GRM7: variants seen among roughly 807,000 people sequenced by gnomAD.
GRM7 encodes glutamate metabotropic receptor 7.
GRM7 carries 35 observed loss-of-function variants against 84.5 expected under a neutral mutation model. The ratio of observed to expected loss-of-function variants is 0.41; its 90% CI spans 0.32 to 0.55. The LOEUF (loss-of-function observed/expected upper bound fraction) is 0.55. Among genes scored for constraint, GRM7 ranks in the 20% least tolerant of loss-of-function variants. The probability of loss-of-function intolerance (pLI) is 0.19; values close to 1 mark genes in which losing one functional copy is unlikely to be tolerated. For missense variants in GRM7, 1,003 were observed against 1,194.6 expected, an observed-to-expected ratio of 0.84 and a Z score of 2.36; for synonymous variants, 487 against 455.1, an observed-to-expected ratio of 1.07 and a Z score of -0.89.
At chr3:7,538,423 T>G (rs1559388443) in intron 7 of GRM7, among the ~76,000 whole-genome samples, 1 of 152,206 alleles carries the variant, frequency 6.6e-6, no homozygotes, top group Non-Finnish European at 1.5e-5. Flanking sequence ...GTTACTGTAT[T>G]TTGATACTCA....
intron 8 of GRM7, among the ~76,000 whole-genome samples, chr3:7,638,410 A>C (rs1454025291): frequency 6.6e-6 from 1 of 152,200 alleles, no homozygotes; most frequent in East Asian, 1.9e-4. Context: ...ATCCCCTTTT[A>C]TGAAAGAGGA....
At chr3:7,539,871 A>T (rs933048304) in intron 7 of GRM7, among the ~76,000 whole-genome samples, 1 of 152,154 alleles carries the variant, frequency 6.6e-6, no homozygotes, top group Admixed American at 6.5e-5. Context: ...TCATTAAAAT[A>T]TTGTGTGTAT....
intron 1 of GRM7, among the ~76,000 whole-genome samples, chr3:6,967,544 TCTTA>T (rs775372375): frequency 7.2e-5 from 11 of 152,210 alleles, no homozygotes; most frequent in Non-Finnish European, 1.5e-4. Context: ...CACAATATCT[TCTTA>T]CTTTATCATT....
chr3:6,902,041 A>G (rs1696405507), intron 1 of GRM7, among the ~76,000 whole-genome samples: 1 of 152,134 alleles, frequency 6.6e-6, no homozygotes, highest in Admixed American at 6.5e-5. Flanking sequence ...TTAAACTGAG[A>G]AAAAAACCTA....
chr3:7,697,225 A>T (rs561851460), intron 9 of GRM7, among the ~76,000 whole-genome samples: 2 of 152,334 alleles, frequency 1.3e-5, no homozygotes, highest in African/African-American at 2.4e-5. Context: ...CCTAATTTTT[A>T]AAAATTACAT....
At chr3:7,601,317 C>T (rs1404326158) in intron 8 of GRM7, among the ~76,000 whole-genome samples, 2 of 152,118 alleles carry the variant, frequency 1.3e-5, no homozygotes, top group Non-Finnish European at 2.9e-5. Flanking sequence ...ACAGCTTTCA[C>T]CACATTTCCA....
At chr3:7,274,561 G>A (rs2124983549) in intron 2 of GRM7, among the ~76,000 whole-genome samples, 1 of 151,894 alleles carries the variant, frequency 6.6e-6, no homozygotes, top group Non-Finnish European at 1.5e-5. Flanking sequence ...TTTTATTTTT[G>A]TTTTTATCTC....
intron 1 of GRM7, among the ~76,000 whole-genome samples, chr3:6,969,491 T>TG (rs1479823457): frequency 6.6e-6 from 1 of 152,216 alleles, no homozygotes; most frequent in African/African-American, 2.4e-5. Flanking sequence ...ACTCTACTGA[T>TG]GCTCAGTTCA....
chr3:7,466,797 A>T (rs764938201), intron 7 of GRM7, among the ~76,000 whole-genome samples: 41 of 152,272 alleles, frequency 2.7e-4, no homozygotes, highest in Admixed American at 1.4e-3. Context: ...GTTACGATAG[A>T]CCAACTTTCT....
At chr3:7,169,040 C>T (rs1161146149) in intron 2 of GRM7, among the ~76,000 whole-genome samples, 1 of 152,174 alleles carries the variant, frequency 6.6e-6, no homozygotes, top group Non-Finnish European at 1.5e-5. Flanking sequence ...GTTCATAAAC[C>T]GTAAAGTCAA....
intron 4 of GRM7, among the ~76,000 whole-genome samples, chr3:7,329,490 A>G (rs1701114055): frequency 6.6e-6 from 1 of 152,210 alleles, no homozygotes. Context: ...GATGGGCTGC[A>G]CTTCTCCTTG....
At chr3:6,954,870 G>C (rs1372550420) in intron 1 of GRM7, among the ~76,000 whole-genome samples, 2 of 152,160 alleles carry the variant, frequency 1.3e-5, no homozygotes, top group East Asian at 3.9e-4. Flanking sequence ...AAATGTAGTA[G>C]GTAGAATATT....
intron 1 of GRM7, among the ~76,000 whole-genome samples, chr3:6,910,821 A>T (rs1386403179): frequency 6.6e-6 from 1 of 152,148 alleles, no homozygotes; most frequent in Non-Finnish European, 1.5e-5. Flanking sequence ...AAGAAGAGCA[A>T]TGTTTGCAGA....
chr3:7,128,148 G>C (rs185614233), intron 1 of GRM7, among the ~76,000 whole-genome samples: 2 of 151,594 alleles, frequency 1.3e-5, no homozygotes, highest in East Asian at 1.9e-4. Context: ...TTAAAAAACT[G>C]GTGGATATAA....
At chr3:7,691,230 T>A (rs1254415406) in intron 9 of GRM7, 5 of 1,281,188 alleles carry the variant, frequency 3.9e-6, no homozygotes, top group Admixed American at 2.3e-5. Flanking sequence ...GGACCTCAGC[T>A]TGCACAAAGA....
intron 1 of GRM7, among the ~76,000 whole-genome samples, chr3:6,886,488 G>A (rs924961258): frequency 6.6e-6 from 1 of 152,124 alleles, no homozygotes; most frequent in Admixed American, 6.6e-5. Context: ...AGAACTTAAA[G>A]TATAATAATA....
At chr3:7,616,348 T>C (rs1378843090) in intron 8 of GRM7, among the ~76,000 whole-genome samples, 1 of 152,194 alleles carries the variant, frequency 6.6e-6, no homozygotes, top group Non-Finnish European at 1.5e-5. Context: ...CTATGCTTCG[T>C]GTGCTTCCTA....
Position 7,657,200 on chromosome 3 carries a change from C to T in GRM7, c.2452-22849C>T, listed in dbSNP as rs192647273. Among the ~76,000 whole-genome samples the T allele has an allele frequency of 5.7e-3, 867 of 152,186 alleles. 8 individuals are homozygous for T. Among genetic ancestry groups the T allele is most frequent in the Middle Eastern group, 0.041 (12 of 294 alleles). ...GTAGTGGTGGTGTTATTCTAGAGTT[C>T]CTGCCTTCTAATATCATTGTCATTC... On this transcript the variant is annotated intron_variant, in intron 8 of 9. Transcript: ENST00000357716.
chr3:7,377,670 T>A (rs552464550), intron 4 of GRM7, among the ~76,000 whole-genome samples: 2 of 152,308 alleles, frequency 1.3e-5, no homozygotes, highest in East Asian at 3.9e-4. Context: ...CCTGCAGGGA[T>A]TGTTGGGCTT....
Sources: gnomAD v4.1 joint callset for allele counts (sites outside exome capture counted in the v4.1 genomes callset) on GRCh38, gnomAD v4.1.1 for gene constraint, MANE v1.5 for transcripts, NCBI Gene and HGNC (gene_info 2026-07-23, HGNC 2026-07-21) for gene names.